CCDC102B: variants seen among roughly 807,000 people sequenced by gnomAD.
CCDC102B encodes the protein coiled-coil domain-containing protein 102B.
Under a neutral mutation model 57.4 loss-of-function variants are expected in CCDC102B, and 75 were observed. The ratio of observed to expected loss-of-function variants is 1.31; its 90% confidence interval spans 1.08 to 1.58. The LOEUF (loss-of-function observed/expected upper bound fraction) is 1.58, where lower values mean the gene tolerates loss of function less well. CCDC102B is among the 40% of genes most tolerant of loss of function. The pLI, the probability that CCDC102B is intolerant of heterozygous loss-of-function variation, is 0.00. For missense variants in CCDC102B, 636 were observed against 582.6 expected, an observed-to-expected ratio of 1.09 and a Z score of -0.94; for synonymous variants, 206 against 201.9, an observed-to-expected ratio of 1.02 and a Z score of -0.17.
intron 6 of CCDC102B, among the ~76,000 whole-genome samples, chr18:69,004,552 C>T (rs57893943): frequency 0.02 from 3,084 of 152,188 alleles, 101 homozygotes; most frequent in East Asian, 0.15. Context: ...CCATACAGAA[C>T]GGGGATCTCA....
intron 6 of CCDC102B, among the ~76,000 whole-genome samples, chr18:68,911,737 G>A (rs2040875111): frequency 1.5e-5 from 1 of 64,816 alleles, no homozygotes; most frequent in Non-Finnish European, 3.2e-5. Flanking sequence ...GGGCGACAGA[G>A]CGAGACTCCG....
intron 2 of CCDC102B, among the ~76,000 whole-genome samples, chr18:68,720,659 T>C (rs1737909062): frequency 6.6e-6 from 1 of 152,240 alleles, no homozygotes; most frequent in African/African-American, 2.4e-5. Flanking sequence ...AACACTGTTA[T>C]TACATTGTAT....
chr18:68,985,816 C>A (rs1172217103), intron 6 of CCDC102B, among the ~76,000 whole-genome samples: 1 of 152,000 alleles, frequency 6.6e-6, no homozygotes, highest in African/African-American at 2.4e-5. Context: ...TAGCAAGAGG[C>A]CCTGGGAAAT....
rs535564222 is a variant in CCDC102B at position 68,978,077 on chromosome 18, G to A, written c.1264-32857G>A. Among the ~76,000 whole-genome samples, 73 of 152,102 alleles carry A rather than the reference G, an allele frequency of 4.8e-4. 1 individual carries two copies. Among genetic ancestry groups the A allele is most frequent in the African/African-American group, 1.6e-3 (66 of 41,522 alleles). On this transcript the variant is annotated intron_variant, in intron 6 of 7. Transcript: ENST00000360242. ...CAGTCAGACTGTAAGCACACAATGT[G>A]CTACCAACATATAATTAAATGTTTA...
chr18:68,807,543 G>A (rs1045657846), intron 1 of CCDC102B, among the ~76,000 whole-genome samples: 1 of 152,152 alleles, frequency 6.6e-6, no homozygotes, highest in Non-Finnish European at 1.5e-5. Flanking sequence ...TTTGAGAAAT[G>A]TAAGAGTTTA....
chr18:68,962,170 A>G (rs2050062467), intron 6 of CCDC102B, among the ~76,000 whole-genome samples: 1 of 152,124 alleles, frequency 6.6e-6, no homozygotes, highest in South Asian at 2.1e-4. Context: ...ATTAAGTTAC[A>G]GCAATATGTT....
At chr18:68,792,963 A>G (rs1398591739) in intron 2 of CCDC102B, among the ~76,000 whole-genome samples, 1 of 152,174 alleles carries the variant, frequency 6.6e-6, no homozygotes, top group African/African-American at 2.4e-5. Flanking sequence ...GAAGAAAATA[A>G]TATTTTCTAG....
intron 6 of CCDC102B, among the ~76,000 whole-genome samples, chr18:68,977,681 G>A (rs1227668463): frequency 6.6e-6 from 1 of 151,892 alleles, no homozygotes; most frequent in Non-Finnish European, 1.5e-5. Context: ...TGTAGAGACT[G>A]TCTATGAGTC....
At chr18:68,857,305 TATATATTTATATATTATATATATAA>T (rs2038503139) in intron 4 of CCDC102B, among the ~76,000 whole-genome samples, 2 of 4,718 alleles carry the variant, frequency 4.2e-4, no homozygotes, top group African/African-American at 1.3e-3. Flanking sequence ...ATATATATAA[TATATATTTATATATTATATATATAA>T]AATATATATT....
At chr18:69,053,728 C>T (rs2052763448) in intron 7 of CCDC102B, among the ~76,000 whole-genome samples, 1 of 151,146 alleles carries the variant, frequency 6.6e-6, no homozygotes, top group African/African-American at 2.4e-5. Flanking sequence ...AAAGCTGTGT[C>T]TTATATAGAA....
At chr18:68,883,953 GAGA>G (rs2144967772) in intron 5 of CCDC102B, among the ~76,000 whole-genome samples, 1 of 152,188 alleles carries the variant, frequency 6.6e-6, no homozygotes, top group South Asian at 2.1e-4. Flanking sequence ...TCCTGTTATG[GAGA>G]AGTTTTAACA....
chr18:68,786,203 C>T (rs1419110006), intron 2 of CCDC102B, among the ~76,000 whole-genome samples: 1 of 151,814 alleles, frequency 6.6e-6, no homozygotes, highest in Non-Finnish European at 1.5e-5. Flanking sequence ...TGTTTTGGTA[C>T]CAGTACCATG....
chr18:69,018,723 T>G (rs549871496), intron 7 of CCDC102B, among the ~76,000 whole-genome samples: 12 of 151,336 alleles, frequency 7.9e-5, no homozygotes, highest in African/African-American at 2.7e-4. Context: ...ATCTTTAGTT[T>G]GCCTTTTCAT....
chr18:68,842,790 C>T (rs532349583), intron 3 of CCDC102B, among the ~76,000 whole-genome samples: 1 of 152,312 alleles, frequency 6.6e-6, no homozygotes, highest in East Asian at 1.9e-4. Flanking sequence ...GCTTTCTCAT[C>T]AGTGTTCCTG....
intron 6 of CCDC102B, among the ~76,000 whole-genome samples, chr18:68,966,489 T>A (rs989565567): frequency 6.6e-6 from 1 of 152,116 alleles, no homozygotes; most frequent in Non-Finnish European, 1.5e-5. Context: ...GGTTACCCTG[T>A]GTGTGTGGGA....
chr18:68,840,623 A>G (rs1323583541), intron 3 of CCDC102B, among the ~76,000 whole-genome samples: 2 of 152,220 alleles, frequency 1.3e-5, no homozygotes, highest in Admixed American at 6.5e-5. Context: ...CTAGCCCTAT[A>G]CATTTCAGTC....
At chr18:68,862,071 T>C (rs973414995) in intron 4 of CCDC102B, among the ~76,000 whole-genome samples, 1 of 152,202 alleles carries the variant, frequency 6.6e-6, no homozygotes, top group Admixed American at 6.5e-5. Flanking sequence ...TCACATAAAG[T>C]ACCACACATC....
intron 7 of CCDC102B, among the ~76,000 whole-genome samples, chr18:69,044,386 C>T (rs1375595603): frequency 1.3e-5 from 2 of 152,156 alleles, no homozygotes; most frequent in East Asian, 3.9e-4. Flanking sequence ...GTGCCAAAGG[C>T]ATAGTGTGCT....
At chr18:68,764,817 G>A (rs900296974) in intron 2 of CCDC102B, among the ~76,000 whole-genome samples, 3 of 151,786 alleles carry the variant, frequency 2.0e-5, no homozygotes, top group African/African-American at 7.3e-5. Flanking sequence ...AGGCACATCA[G>A]TTGAGCCCAG....
Sources: allele counts gnomAD v4.1 joint callset (sites outside exome capture counted in the v4.1 genomes callset), GRCh38; gene constraint gnomAD v4.1.1; transcripts MANE v1.5; gene names NCBI Gene and HGNC (gene_info 2026-07-23, HGNC 2026-07-21).